FRK: variants seen among roughly 807,000 people sequenced by gnomAD.
FRK encodes tyrosine-protein kinase FRK.
In FRK, 51 loss-of-function variants were observed where a neutral mutation model predicts 56.4. The observed-to-expected ratio is 0.90, with a 90% confidence interval of 0.72 to 1.14. The LOEUF (loss-of-function observed/expected upper bound fraction) is 1.14, where lower values mean the gene tolerates loss of function less well. Among genes scored for constraint, FRK ranks in the 50% most tolerant of loss-of-function variants. FRK has a pLI of 0.00. For missense variants in FRK, 570 were observed against 601.4 expected, an observed-to-expected ratio of 0.95 and a Z score of 0.55; for synonymous variants, 245 against 217.9, an observed-to-expected ratio of 1.12 and a Z score of -1.10.
At chr6:116,072,461 A>G in the FRK span, among the ~76,000 whole-genome samples, 1 of 152,066 alleles carries the variant, frequency 6.6e-6, no homozygotes, top group Non-Finnish European at 1.5e-5. Flanking sequence ...TTTGAAGATA[A>G]GCAAAGACAT....
At chr6:116,077,789 C>T in the FRK span, among the ~76,000 whole-genome samples, 2 of 152,106 alleles carry the variant, frequency 1.3e-5, no homozygotes, top group South Asian at 2.1e-4. Flanking sequence ...TTTATTTGTT[C>T]CAACCCTGCC....
At chr6:116,047,075 C>T (rs989940667) in intron 1 of FRK, among the ~76,000 whole-genome samples, 6 of 150,876 alleles carry the variant, frequency 4.0e-5, no homozygotes, top group Admixed American at 6.6e-5. Flanking sequence ...ATATTTGCTG[C>T]CTCTACTTTA....
the FRK span, among the ~76,000 whole-genome samples, chr6:116,094,035 A>G: frequency 2.0e-5 from 3 of 152,220 alleles, no homozygotes; most frequent in African/African-American, 7.2e-5. Flanking sequence ...TGGCCCTCAG[A>G]CAAACAAACC....
intron 2 of FRK, among the ~76,000 whole-genome samples, chr6:115,993,532 C>G (rs532972396): frequency 2.0e-5 from 3 of 151,664 alleles, no homozygotes; most frequent in Non-Finnish European, 4.4e-5. Context: ...TCTGCCAACA[C>G]GAATTTAAAC....
At chr6:116,077,258 C>T in the FRK span, among the ~76,000 whole-genome samples, 1 of 152,124 alleles carries the variant, frequency 6.6e-6, no homozygotes, top group Admixed American at 6.5e-5. Context: ...GGAATTAGTT[C>T]CCAATGCATC....
At position 115,951,251 on chromosome 6, in the gene FRK, A is replaced by T. The variant is rs145734302; in HGVS notation, c.958+5201T>A. ...TAGAAATTGCCTGTCACAAGGTACT[A>T]CAGTGTTTTTTAAAGAAAAAAAGTA... On this transcript the variant is annotated intron_variant, in intron 5 of 7. Coordinates refer to ENST00000606080, the MANE Select transcript of FRK (RefSeq NM_002031.3). 2.8e-3 allele frequency among the ~76,000 whole-genome samples: 430 copies of T among 152,302 alleles called. 4 individuals carry two copies. The highest frequency in any genetic ancestry group is 9.9e-3 in the African/African-American group (413 of 41,568).
At chr6:115,963,075 A>C (rs1465006508) in intron 4 of FRK, among the ~76,000 whole-genome samples, 2 of 59,936 alleles carry the variant, frequency 3.3e-5, no homozygotes, top group Non-Finnish European at 3.4e-5. Context: ...ATAGAGACAC[A>C]AAAAAACCTT....
chr6:116,035,756 T>C (rs1236050479), intron 1 of FRK, among the ~76,000 whole-genome samples: 1 of 152,086 alleles, frequency 6.6e-6, no homozygotes, highest in East Asian at 1.9e-4. Flanking sequence ...GCACTCACTT[T>C]TTTTTCAACA....
At chr6:115,968,464 G>T in intron 3 of FRK, 112 bp downstream of exon 3, 1 of 1,188,870 alleles carries the variant, frequency 8.4e-7, no homozygotes, top group Non-Finnish European at 1.2e-6. Flanking sequence ...ACCCGCCTGA[G>T]GTAATAAAAT....
At chr6:115,991,733 A>AT (rs1380197792) in intron 2 of FRK, among the ~76,000 whole-genome samples, 4 of 151,436 alleles carry the variant, frequency 2.6e-5, no homozygotes, top group Admixed American at 6.6e-5. Context: ...CTACAGTATT[A>AT]TTTTTTTGTT....
At chr6:115,982,853 C>T (rs1405772230) in intron 2 of FRK, among the ~76,000 whole-genome samples, 1 of 152,116 alleles carries the variant, frequency 6.6e-6, no homozygotes, top group East Asian at 1.9e-4. Flanking sequence ...GGGTGGATCA[C>T]TTGAGGTTAG....
chr6:116,071,966 C>G, the FRK span, among the ~76,000 whole-genome samples: 2 of 152,144 alleles, frequency 1.3e-5, no homozygotes, highest in South Asian at 4.1e-4. Context: ...ATAATTTACT[C>G]AACACATAAT....
chr6:116,072,774 T>C, the FRK span, among the ~76,000 whole-genome samples: 2 of 152,174 alleles, frequency 1.3e-5, no homozygotes, highest in Admixed American at 6.6e-5. Flanking sequence ...TGTTATCCTG[T>C]AGGAGTTTAA....
At position 115,979,426 on chromosome 6, in the gene FRK, G is replaced by GT. The variant is rs1363047765; in HGVS notation, c.467-10688dup. 2.0e-5 allele frequency among the ~76,000 whole-genome samples: 3 copies of GT among 151,984 alleles called. No homozygotes were observed. In the East Asian group the frequency reaches 5.8e-4, roughly 29 times the overall value. The stretch of plus-strand genomic sequence containing the variant: ...TTTTGTAGAGCTGTAAAATGTGTTT[G>GT]TTTTACACTGTTATTACAAAAGAGT... On this transcript the variant is annotated intron_variant, in intron 2 of 7. Coordinates refer to ENST00000606080, the MANE Select transcript of FRK (RefSeq NM_002031.3).
chr6:115,934,957 C>T lies in FRK; in HGVS notation c.*7457G>A, dbSNP rs1048734933. ...CTACCAGACCAAAAAAAAAAAAAAACTTTCATAACCAAGTTTGGACATTAT... is the reference window on the plus strand; with the variant it reads ...CTACCAGACCAAAAAAAAAAAAAAATTTTCATAACCAAGTTTGGACATTAT... On this transcript the variant is annotated 3_prime_UTR_variant, in exon 8 of 8. Coordinates refer to ENST00000606080, the MANE Select transcript of FRK (RefSeq NM_002031.3). 4 of 144,200 alleles carry T rather than the reference C, an allele frequency of 2.8e-5. No individual in the cohort carries two copies. The highest frequency in any genetic ancestry group is 6.1e-5 in the Non-Finnish European group (4 of 65,808). The allele number at this position is 144,200 out of a possible 1,614,324, so 8.9% of individuals were successfully genotyped here.
chr6:115,932,229 T>C lies in FRK; in HGVS notation c.*10185A>G, dbSNP rs900447891. The C allele has an allele frequency of 1.3e-5, 2 of 152,210 alleles. No homozygotes were observed. The highest frequency in any genetic ancestry group is 4.8e-5 in the African/African-American group (2 of 41,468). The allele number at this position is 152,210 out of a possible 1,614,324, so 9.4% of individuals were successfully genotyped here. On this transcript the variant is annotated 3_prime_UTR_variant, in exon 8 of 8. Transcript: ENST00000606080. ...TTCATAAATAACTTGAGAGGCCTAC[T>C]AACATCACTTTCTTAACAAAAGCAG...
At chr6:116,097,507 A>C in the FRK span, among the ~76,000 whole-genome samples, 3 of 152,208 alleles carry the variant, frequency 2.0e-5, no homozygotes, top group African/African-American at 7.2e-5. Context: ...ATAGATGTTA[A>C]AATAAAGTAT....
At chr6:116,061,385 A>G (rs962923970), upstream of FRK, among the ~76,000 whole-genome samples, 5 of 144,472 alleles carry the variant, frequency 3.5e-5, no homozygotes, top group South Asian at 6.9e-4. Flanking sequence ...CTATCCTTCA[A>G]GTACTATTTG....
At chr6:116,039,042 A>C in intron 1 of FRK, 5 of 754,594 alleles carry the variant, frequency 6.6e-6, no homozygotes, top group Non-Finnish European at 1.2e-5. Context: ...GGGCACTCAG[A>C]GAGTAGGCAT....
Sources: allele counts gnomAD v4.1 joint callset (sites outside exome capture counted in the v4.1 genomes callset), GRCh38; gene constraint gnomAD v4.1.1; transcripts MANE v1.5; gene names NCBI Gene and HGNC (gene_info 2026-07-23, HGNC 2026-07-21).